CFAP299: variants seen among roughly 807,000 people sequenced by gnomAD.
CFAP299 encodes the protein cilia- and flagella-associated protein 299.
CFAP299 carries 21 observed loss-of-function variants against 27.0 expected under a neutral mutation model. The observed-to-expected ratio is 0.78, with a 90% CI of 0.55 to 1.12. CFAP299 has a LOEUF of 1.12. Among genes scored for constraint, CFAP299 ranks in the 50% most tolerant of loss-of-function variants. CFAP299 has a pLI of 0.00. For missense variants in CFAP299, 310 were observed against 276.6 expected (o/e 1.12, Z -0.86); for synonymous variants, 104 against 98.1 (o/e 1.06, Z -0.36).
At chr4:80,858,455 T>C (rs1732076852) in intron 3 of CFAP299, among the ~76,000 whole-genome samples, 1 of 152,190 alleles carries the variant, frequency 6.6e-6, no homozygotes, top group African/African-American at 2.4e-5. Flanking sequence ...TGTTAGCTTT[T>C]GAATGTGTTT....
intron 2 of CFAP299, among the ~76,000 whole-genome samples, chr4:80,377,822 G>C (rs541887217): frequency 3.3e-5 from 5 of 152,060 alleles, no homozygotes; most frequent in African/African-American, 4.8e-5. Flanking sequence ...CTTGAGACTG[G>C]GAAGAAAAAG....
intron 1 of CFAP299, among the ~76,000 whole-genome samples, chr4:80,360,307 G>C (rs1475968601): frequency 6.6e-6 from 1 of 152,214 alleles, no homozygotes; most frequent in Non-Finnish European, 1.5e-5. Context: ...TGCAGCTGGA[G>C]GGGGAGTGAG....
At chr4:80,784,770 G>T (rs367674310) in intron 3 of CFAP299, among the ~76,000 whole-genome samples, 1 of 152,038 alleles carries the variant, frequency 6.6e-6, no homozygotes, top group African/African-American at 2.4e-5. Context: ...TGATCTGTGC[G>T]CCTCAGCCTC....
At chr4:80,943,603 A>G (rs543010790) in intron 4 of CFAP299, among the ~76,000 whole-genome samples, 112 of 152,260 alleles carry the variant, frequency 7.4e-4, no homozygotes, top group African/African-American at 2.5e-3. Context: ...CATTAGTAGG[A>G]ATAAGATACA....
At chr4:80,421,313 C>T (rs1296152440) in intron 2 of CFAP299, among the ~76,000 whole-genome samples, 1 of 152,164 alleles carries the variant, frequency 6.6e-6, no homozygotes, top group African/African-American at 2.4e-5. Flanking sequence ...AGTCCTTCTT[C>T]TTCCCCTGTC....
chr4:80,890,805 T>C (rs1322618120), intron 4 of CFAP299, among the ~76,000 whole-genome samples: 3 of 148,782 alleles, frequency 2.0e-5, no homozygotes, highest in African/African-American at 7.6e-5. Context: ...ATTTCTCTGA[T>C]GGCCAGTGAT....
chr4:80,768,750 C>T (rs557776480), intron 3 of CFAP299, among the ~76,000 whole-genome samples: 2 of 152,170 alleles, frequency 1.3e-5, no homozygotes, highest in South Asian at 4.1e-4. Flanking sequence ...TAAGTTTCTA[C>T]TCTGTAATAG....
intron 1 of CFAP299, among the ~76,000 whole-genome samples, chr4:80,359,670 A>G (rs1302589923): frequency 1.3e-5 from 2 of 152,210 alleles, no homozygotes; most frequent in African/African-American, 4.8e-5. Context: ...CAGCTCAATC[A>G]GGTTAGTTAC....
At chr4:80,416,072 T>G (rs1359159227) in intron 2 of CFAP299, among the ~76,000 whole-genome samples, 2 of 152,168 alleles carry the variant, frequency 1.3e-5, no homozygotes, top group African/African-American at 2.4e-5. Context: ...TCTAAAGCCT[T>G]TTTGAAGAGC....
intron 3 of CFAP299, among the ~76,000 whole-genome samples, chr4:80,775,081 AG>A (rs1296955103): frequency 7.0e-4 from 106 of 151,186 alleles, no homozygotes; most frequent in Admixed American, 3.3e-3. Context: ...TAAAAAAAAA[AG>A]AAAAAGAAAA....
intron 2 of CFAP299, among the ~76,000 whole-genome samples, chr4:80,550,779 ACAC>A (rs1734472236): frequency 6.6e-6 from 1 of 151,470 alleles, no homozygotes; most frequent in South Asian, 2.1e-4. Flanking sequence ...ACACACACAC[ACAC>A]ACGCACACAC....
chr4:80,551,592 A>C (rs903926973), intron 2 of CFAP299, among the ~76,000 whole-genome samples: 1 of 152,132 alleles, frequency 6.6e-6, no homozygotes, highest in Admixed American at 6.6e-5. Context: ...ATATAATAGT[A>C]CCATGGTTCT....
Position 80,915,300 on chromosome 4 carries a change from G to T in CFAP299, c.477-29510G>T, listed in dbSNP as rs150610456. 3.9e-3 allele frequency among the ~76,000 whole-genome samples: 591 copies of T among 151,990 alleles called. 4 individuals carry two copies. Among genetic ancestry groups the T allele is most frequent in the African/African-American group, 0.014 (576 of 41,510 alleles). On this transcript the variant is annotated intron_variant, in intron 4 of 5. Transcript: ENST00000358105. ...AGGGTTTTTTTTAAAACATTTTAAA[G>T]ATGTCACTGAATTTTCTCTAGCTTG...
chr4:80,415,177 T>C (rs537911377), intron 2 of CFAP299, among the ~76,000 whole-genome samples: 16 of 152,216 alleles, frequency 1.1e-4, no homozygotes, highest in Non-Finnish European at 2.2e-4. Context: ...AACTTGGTAA[T>C]GTTACAACTG....
chr4:80,799,082 A>G (rs1176240480), intron 3 of CFAP299, among the ~76,000 whole-genome samples: 1 of 143,490 alleles, frequency 7.0e-6, no homozygotes, highest in Admixed American at 7.5e-5. Context: ...AACAGAACTA[A>G]TAGTGTGTGT....
chr4:80,707,630 A>G (rs1227446593), intron 3 of CFAP299, among the ~76,000 whole-genome samples: 1 of 152,046 alleles, frequency 6.6e-6, no homozygotes, highest in Non-Finnish European at 1.5e-5. Flanking sequence ...ATCTTTAGGA[A>G]ATGCACAAAC....
chr4:80,735,240 A>G (rs1049425464), intron 3 of CFAP299, among the ~76,000 whole-genome samples: 3 of 151,850 alleles, frequency 2.0e-5, no homozygotes, highest in African/African-American at 2.4e-5. Context: ...TCTTTTTCAG[A>G]TTGTTCACTG....
intron 4 of CFAP299, among the ~76,000 whole-genome samples, chr4:80,888,454 AC>A (rs1421260478): frequency 6.6e-6 from 1 of 151,972 alleles, no homozygotes; most frequent in Non-Finnish European, 1.5e-5. Context: ...ATATATGTGC[AC>A]CCATCACCAG....
At chr4:80,895,200 T>A (rs994599852) in intron 4 of CFAP299, among the ~76,000 whole-genome samples, 1 of 143,144 alleles carries the variant, frequency 7.0e-6, no homozygotes, top group Admixed American at 6.9e-5. Flanking sequence ...ACACACACAC[T>A]AGTAACTATG....
Sources: allele counts gnomAD v4.1 joint callset (sites outside exome capture counted in the v4.1 genomes callset), GRCh38; gene constraint gnomAD v4.1.1; transcripts MANE v1.5; gene names NCBI Gene and HGNC (gene_info 2026-07-23, HGNC 2026-07-21).